Variants in EPHA6 observed in about 807,000 individuals in gnomAD.
The protein encoded by EPHA6 is ephrin type-A receptor 6.
Under a neutral mutation model 112.0 loss-of-function variants are expected in EPHA6, and 50 were observed. The observed-to-expected ratio is 0.45, with a 90% CI of 0.36 to 0.56. The LOEUF is 0.56. EPHA6 is among the 20% of genes least tolerant of loss of function. EPHA6 has a pLI of 0.00. For synonymous variants in EPHA6, 529 were observed against 490.7 expected, an observed-to-expected ratio of 1.08 and a Z score of -1.03; for missense variants, 1,280 against 1,417.4, an observed-to-expected ratio of 0.90 and a Z score of 1.56.
chr3:96,938,005 C>A (rs539774068), intron 2 of EPHA6, among the ~76,000 whole-genome samples: 1 of 152,264 alleles, frequency 6.6e-6, no homozygotes, highest in Non-Finnish European at 1.5e-5. Context: ...GTTTTGGTTA[C>A]TGTAGCCTTG....
intron 14 of EPHA6, among the ~76,000 whole-genome samples, chr3:97,667,448 T>A (rs1560247987): frequency 6.6e-6 from 1 of 152,204 alleles, no homozygotes; most frequent in East Asian, 1.9e-4. Flanking sequence ...TATTTTGAAA[T>A]GACTTCACAG....
intron 3 of EPHA6, among the ~76,000 whole-genome samples, chr3:97,171,556 G>T (rs1313775012): frequency 6.6e-6 from 1 of 152,102 alleles, no homozygotes; most frequent in African/African-American, 2.4e-5. Flanking sequence ...AACCATCTTA[G>T]AAGTGACATG....
At chr3:97,171,259 T>C in intron 3 of EPHA6, among the ~76,000 whole-genome samples, 1 of 152,176 alleles carries the variant, frequency 6.6e-6, no homozygotes, top group Non-Finnish European at 1.5e-5. Flanking sequence ...TAAACATTTA[T>C]TCCAAATGCA....
At chr3:97,327,792 C>T (rs566621814) in intron 5 of EPHA6, among the ~76,000 whole-genome samples, 8 of 150,058 alleles carry the variant, frequency 5.3e-5, no homozygotes, top group Non-Finnish European at 1.2e-4. Flanking sequence ...TGTAGCAGTA[C>T]TACATTCATT....
In EPHA6 at chr3:97,718,658, C is replaced by G. The variant is rs958901389; in HGVS notation, c.2785-1603C>G. ...TTCTCCCCTTGCAACTCCCTGCCCC[C>G]CAACACTCTTAAGCTACTGTCACCA... is the stretch of plus-strand genomic sequence containing the variant. On this transcript the variant is annotated intron_variant, in intron 14 of 17. Coordinates refer to ENST00000389672, the MANE Select transcript of EPHA6 (RefSeq NM_001080448.3). Among the ~76,000 whole-genome samples, 4 of 152,248 alleles carry G rather than the reference C, an allele frequency of 2.6e-5. No homozygotes were observed. The East Asian group carries it at 7.7e-4, about 29-fold the overall frequency.
chr3:97,543,847 C>G (rs998829394), intron 11 of EPHA6, among the ~76,000 whole-genome samples: 15 of 152,036 alleles, frequency 9.9e-5, no homozygotes, highest in African/African-American at 3.6e-4. Context: ...ATTTTATTCT[C>G]TTTGAAGCAA....
intron 5 of EPHA6, among the ~76,000 whole-genome samples, chr3:97,374,987 C>T (rs2108996151): frequency 6.6e-6 from 1 of 152,138 alleles, no homozygotes; most frequent in African/African-American, 2.4e-5. Flanking sequence ...TATTGAAAAC[C>T]TACTATGTGT....
chr3:97,580,719 G>A (rs1039366324), intron 11 of EPHA6, among the ~76,000 whole-genome samples: 14 of 152,158 alleles, frequency 9.2e-5, no homozygotes, highest in East Asian at 1.9e-4. Context: ...GTCTGTTTCC[G>A]TTTTCTCCCT....
intron 12 of EPHA6, among the ~76,000 whole-genome samples, chr3:97,598,137 TA>T (rs1305945307): frequency 9.9e-5 from 15 of 152,112 alleles, no homozygotes; most frequent in Non-Finnish European, 2.1e-4. Flanking sequence ...TTTTATTTTT[TA>T]TTTTTTTTAT....
At chr3:97,652,033 C>T (rs301953) in intron 14 of EPHA6, among the ~76,000 whole-genome samples, 93,666 of 151,698 alleles carry the variant, frequency 0.62, 29,067 homozygotes, top group African/African-American at 0.7. Flanking sequence ...AGTGTCTATT[C>T]TTCCTTTCTT....
At chr3:97,709,230 G>A (rs1478180339) in intron 14 of EPHA6, among the ~76,000 whole-genome samples, 1 of 151,946 alleles carries the variant, frequency 6.6e-6, no homozygotes, top group Non-Finnish European at 1.5e-5. Context: ...ACCCTGCAGA[G>A]TCACAGGGGC....
At chr3:96,967,092 A>G (rs1346426723) in intron 2 of EPHA6, among the ~76,000 whole-genome samples, 1 of 151,812 alleles carries the variant, frequency 6.6e-6, no homozygotes, top group East Asian at 1.9e-4. Context: ...AAATTCATTG[A>G]TAATCCCCTC....
chr3:97,031,019 A>G (rs1271857405), intron 3 of EPHA6, among the ~76,000 whole-genome samples: 1 of 152,030 alleles, frequency 6.6e-6, no homozygotes, highest in Non-Finnish European at 1.5e-5. Context: ...TAAGTTATTC[A>G]GGGGAGGAGT....
chr3:97,759,999 A>AT lies in EPHA6; in HGVS notation c.*11300dup, dbSNP rs1447092851. ...TTTTCCTTATTTTCATCTATTACAG[A>AT]TTAAAAGGCAGAAACATTTTGTAGC... is the stretch of plus-strand genomic sequence containing the variant. On this transcript the variant is annotated 3_prime_UTR_variant, in exon 18 of 18. Coordinates refer to ENST00000389672, the MANE Select transcript of EPHA6 (RefSeq NM_001080448.3). The AT allele has an allele frequency of 5.3e-6, 1 of 187,292 alleles. No homozygotes were observed. Among genetic ancestry groups the AT allele is most frequent in the Non-Finnish European group, 1.1e-5 (1 of 88,742 alleles). The allele number at this position is 187,292 out of a possible 1,614,324, so 11.6% of individuals were successfully genotyped here. A position where few individuals can be genotyped will look rare whatever the true frequency, so the allele number is the denominator to read the frequency against.
At chr3:96,900,034 A>T (rs2038517632) in intron 2 of EPHA6, among the ~76,000 whole-genome samples, 1 of 152,174 alleles carries the variant, frequency 6.6e-6, no homozygotes, top group Admixed American at 6.5e-5. Context: ...ACCATGGGAA[A>T]GTAAAGTATT....
intron 3 of EPHA6, among the ~76,000 whole-genome samples, chr3:97,123,681 G>A (rs1168266038): frequency 1.3e-5 from 2 of 152,114 alleles, no homozygotes; most frequent in Non-Finnish European, 2.9e-5. Flanking sequence ...ATAGACCGTT[G>A]TGGATTAGAG....
At chr3:97,064,451 A>G (rs1220312729) in intron 3 of EPHA6, among the ~76,000 whole-genome samples, 4 of 152,178 alleles carry the variant, frequency 2.6e-5, no homozygotes, top group Non-Finnish European at 5.9e-5. Context: ...TAACATATTA[A>G]TGCACAGTGT....
intron 3 of EPHA6, among the ~76,000 whole-genome samples, chr3:96,994,732 T>TATAGAGAGAGAGAGAG (rs1170197805): frequency 8.5e-5 from 7 of 82,194 alleles, no homozygotes; most frequent in African/African-American, 1.9e-4. Context: ...TATATATATA[T>TATAGAGAGAGAGAGAG]AGAGAGAGAG....
intron 5 of EPHA6, among the ~76,000 whole-genome samples, chr3:97,379,458 AT>A (rs1355516525): frequency 6.6e-6 from 1 of 151,918 alleles, no homozygotes; most frequent in African/African-American, 2.4e-5. Flanking sequence ...GATGTTTAAG[AT>A]TTTAAAAAGG....
Sources: allele counts gnomAD v4.1 joint callset (sites outside exome capture counted in the v4.1 genomes callset), GRCh38; gene constraint gnomAD v4.1.1; transcripts MANE v1.5; gene names NCBI Gene and HGNC (gene_info 2026-07-23, HGNC 2026-07-21).